ST6GAL1: variants seen among roughly 807,000 people sequenced by gnomAD.
ST6GAL1 encodes the protein beta-galactoside alpha-2,6-sialyltransferase 1.
ST6GAL1 carries 20 observed loss-of-function variants against 38.0 expected under a neutral mutation model. The observed-to-expected ratio is 0.53, with a 90% CI of 0.37 to 0.77. The LOEUF (loss-of-function observed/expected upper bound fraction) is 0.77. Among genes scored for constraint, ST6GAL1 ranks in the 30% least tolerant of loss-of-function variants. The pLI is 0.00. For missense variants in ST6GAL1, 432 were observed against 496.4 expected (o/e 0.87, Z 1.23); for synonymous variants, 196 against 188.2 (o/e 1.04, Z -0.34).
At chr3:187,059,502 T>C (rs1399059192) in intron 5 of ST6GAL1, among the ~76,000 whole-genome samples, 2 of 152,342 alleles carry the variant, frequency 1.3e-5, no homozygotes, top group African/African-American at 4.8e-5. Context: ...ATTAATTCAT[T>C]CATTCAACAA....
chr3:186,982,270 A>G (rs1715719439), intron 2 of ST6GAL1, among the ~76,000 whole-genome samples: 1 of 152,222 alleles, frequency 6.6e-6, no homozygotes, highest in Non-Finnish European at 1.5e-5. Context: ...ATTGCATCAA[A>G]GGGTGGCAGA....
Position 187,043,320 on chromosome 3 carries a change from G to A in ST6GAL1, c.607+10G>A, listed in dbSNP as rs769176467. 10 of 1,606,790 alleles carry A rather than the reference G, an allele frequency of 6.2e-6. No homozygotes were observed. The highest frequency in any genetic ancestry group is 1.9e-4 in the Middle Eastern group (1 of 5,314). Reference sequence around the variant, plus strand: ...CTAGGCAGAGAAATCGGTATGTTCTGGGGTTGTTCTGTGAATGGCAGTGCT... The same window carrying A: ...CTAGGCAGAGAAATCGGTATGTTCTAGGGTTGTTCTGTGAATGGCAGTGCT... On this transcript the variant is annotated intron_variant, in intron 4 of 7. Transcript: ENST00000169298.
At chr3:186,962,521 G>C (rs1288935746) in intron 1 of ST6GAL1, among the ~76,000 whole-genome samples, 1 of 152,192 alleles carries the variant, frequency 6.6e-6, no homozygotes, top group Non-Finnish European at 1.5e-5. Flanking sequence ...TGAGGGAGGG[G>C]CTTGGGGGAG....
At chr3:187,010,160 T>C (rs1204471595) in intron 2 of ST6GAL1, among the ~76,000 whole-genome samples, 1 of 152,240 alleles carries the variant, frequency 6.6e-6, no homozygotes, top group Admixed American at 6.5e-5. Context: ...TTTGCTTCTC[T>C]GAATACTTCT....
chr3:186,957,931 G>C (rs1714801185), intron 1 of ST6GAL1, among the ~76,000 whole-genome samples: 2 of 151,806 alleles, frequency 1.3e-5, no homozygotes, highest in Admixed American at 6.6e-5. Flanking sequence ...TGATGCATTT[G>C]TTTCTCCAAA....
chr3:186,941,904 C>T (rs1714190749), intron 1 of ST6GAL1, among the ~76,000 whole-genome samples: 1 of 151,514 alleles, frequency 6.6e-6, no homozygotes, highest in South Asian at 2.1e-4. Context: ...CCCAGCTACT[C>T]GGGAGGCGGA....
intron 2 of ST6GAL1, among the ~76,000 whole-genome samples, chr3:187,010,694 C>T (rs1409181619): frequency 1.3e-5 from 2 of 152,156 alleles, no homozygotes; most frequent in Non-Finnish European, 2.9e-5. Context: ...CAAGCTGACT[C>T]CCAGCACATC....
chr3:186,977,488 C>T (rs971657426), intron 2 of ST6GAL1, among the ~76,000 whole-genome samples: 4 of 152,196 alleles, frequency 2.6e-5, no homozygotes, highest in Non-Finnish European at 1.5e-5. Flanking sequence ...CTGCACCCTG[C>T]CAGGTTGTCA....
intron 1 of ST6GAL1, among the ~76,000 whole-genome samples, chr3:186,936,363 C>A (rs1228183296): frequency 6.6e-6 from 1 of 152,120 alleles, no homozygotes; most frequent in Non-Finnish European, 1.5e-5. Flanking sequence ...AGAATTTAGA[C>A]AGGGAATTAG....
At chr3:186,987,682 A>G (rs1049178674) in intron 2 of ST6GAL1, among the ~76,000 whole-genome samples, 1 of 152,232 alleles carries the variant, frequency 6.6e-6, no homozygotes, top group Admixed American at 6.5e-5. Flanking sequence ...CTAGGGGGAG[A>G]GAAATAAAAT....
At chr3:186,970,115 TACA>T (rs1169022209) in intron 2 of ST6GAL1, among the ~76,000 whole-genome samples, 1 of 152,204 alleles carries the variant, frequency 6.6e-6, no homozygotes, top group Non-Finnish European at 1.5e-5. Flanking sequence ...CTGAGATTGG[TACA>T]ACATGTGTAT....
chr3:187,043,109 A>C lies in ST6GAL1; in HGVS notation c.406A>C (p.Ser136Arg). Residue 136 changes from serine to arginine, a missense_variant, in exon 4 of 8, where the codon AGT becomes CGT. Coordinates refer to ENST00000169298, the MANE Select transcript of ST6GAL1 (RefSeq NM_173216.2). ...YKGPGPGIKF[S>R]AEALRCHLRD... ...GGGGCCAGGACCAGGCATCAAGTTC[A>C]GTGCAGAGGCCCTGCGCTGCCACCT... 1 of 1,614,244 alleles carries C rather than the reference A, an allele frequency of 6.2e-7. No individual in the cohort carries two copies. The highest frequency in any genetic ancestry group is 8.5e-7 in the Non-Finnish European group (1 of 1,180,042).
At chr3:187,015,190 C>T (rs1717076577) in intron 2 of ST6GAL1, among the ~76,000 whole-genome samples, 1 of 152,186 alleles carries the variant, frequency 6.6e-6, no homozygotes, top group Non-Finnish European at 1.5e-5. Flanking sequence ...TGTGAACTCT[C>T]TTGCGTACGA....
intron 2 of ST6GAL1, among the ~76,000 whole-genome samples, chr3:186,971,629 A>G (rs1715353492): frequency 6.6e-6 from 1 of 152,224 alleles, no homozygotes; most frequent in Non-Finnish European, 1.5e-5. Context: ...TCTTCAGCCC[A>G]GTTCACCAGT....
chr3:186,953,213 G>C (rs536101822), intron 1 of ST6GAL1, among the ~76,000 whole-genome samples: 2 of 152,174 alleles, frequency 1.3e-5, no homozygotes, highest in Admixed American at 1.3e-4. Context: ...ACCAGGAAAG[G>C]CTTCCTCTTT....
At chr3:187,020,535 C>T (rs1717261751) in intron 2 of ST6GAL1, among the ~76,000 whole-genome samples, 1 of 152,184 alleles carries the variant, frequency 6.6e-6, no homozygotes, top group African/African-American at 2.4e-5. Flanking sequence ...CATACATCGG[C>T]AAAGTCTTAA....
chr3:187,040,141 AT>A lies in ST6GAL1; in HGVS notation c.-51+1270del, dbSNP rs535184185. Among the ~76,000 whole-genome samples the A allele has an allele frequency of 5.0e-3, 762 of 152,314 alleles. 28 individuals are homozygous for A. The highest frequency in any genetic ancestry group is 0.041 in the Admixed American group (631 of 15,310). ...CCAAATCACTCATGCAACTTTGAAAATTATTTGTATTTCCAAACCTCACTAT... is the reference window on the plus strand; with the variant it reads ...CCAAATCACTCATGCAACTTTGAAAATATTTGTATTTCCAAACCTCACTAT... On this transcript the variant is annotated intron_variant, in intron 3 of 7. Transcript: ENST00000169298.
intron 2 of ST6GAL1, among the ~76,000 whole-genome samples, chr3:187,032,764 T>G (rs916941721): frequency 2.6e-5 from 4 of 152,196 alleles, no homozygotes; most frequent in Non-Finnish European, 5.9e-5. Context: ...CGTCCTTCTT[T>G]GAGCTGATGA....
intron 5 of ST6GAL1, among the ~76,000 whole-genome samples, chr3:187,057,328 G>A (rs1301574984): frequency 3.9e-5 from 6 of 152,138 alleles, no homozygotes; most frequent in African/African-American, 9.7e-5. Context: ...GTCATTCTCC[G>A]TCCAGCTTTG....
Sources: allele counts gnomAD v4.1 joint callset (sites outside exome capture counted in the v4.1 genomes callset), GRCh38; gene constraint gnomAD v4.1.1; transcripts MANE v1.5; gene names NCBI Gene and HGNC (gene_info 2026-07-23, HGNC 2026-07-21).